Variants in SDC2 observed in about 807,000 individuals in gnomAD.
SDC2 encodes the protein syndecan-2.
In SDC2, 13 loss-of-function variants were observed where a neutral mutation model predicts 22.2. The observed-to-expected ratio is 0.59, with a 90% CI of 0.38 to 0.93. The LOEUF (loss-of-function observed/expected upper bound fraction) is 0.93, where lower values mean the gene tolerates loss of function less well. Ranked by LOEUF, SDC2 falls within the 40% of genes least tolerant of loss-of-function variation. SDC2 has a pLI of 0.00. For missense variants in SDC2, 235 were observed against 246.8 expected, an observed-to-expected ratio of 0.95 and a Z score of 0.32; for synonymous variants, 94 against 92.8, an observed-to-expected ratio of 1.01 and a Z score of -0.07.
chr8:96,550,035 T>C (rs910913084), intron 1 of SDC2, among the ~76,000 whole-genome samples: 1 of 152,206 alleles, frequency 6.6e-6, no homozygotes, highest in African/African-American at 2.4e-5. Context: ...TACTTCCAGA[T>C]ATAGACAGCA....
intron 1 of SDC2, among the ~76,000 whole-genome samples, chr8:96,584,725 G>A (rs552535175): frequency 1.6e-4 from 24 of 152,316 alleles, no homozygotes; most frequent in African/African-American, 5.8e-4. Context: ...TTGGGAAGGG[G>A]AGAGGCAGCG....
intron 1 of SDC2, among the ~76,000 whole-genome samples, chr8:96,539,398 T>C (rs114734837): frequency 0.021 from 3,201 of 152,356 alleles, 107 homozygotes; most frequent in African/African-American, 0.069. Context: ...GTTGTGCACG[T>C]ATAAAGTACT....
At chr8:96,607,214 G>T (rs1815096119) in intron 3 of SDC2, among the ~76,000 whole-genome samples, 1 of 145,986 alleles carries the variant, frequency 6.8e-6, no homozygotes. Flanking sequence ...TGGTGGAAAT[G>T]ACCTCACAGG....
At chr8:96,527,947 TCTA>T (rs1813603753) in intron 1 of SDC2, among the ~76,000 whole-genome samples, 1 of 152,208 alleles carries the variant, frequency 6.6e-6, no homozygotes, top group Admixed American at 6.5e-5. Context: ...AGCAGAAACT[TCTA>T]CTACCAAATA....
chr8:96,535,250 G>A (rs185088839), intron 1 of SDC2, among the ~76,000 whole-genome samples: 97 of 152,114 alleles, frequency 6.4e-4, no homozygotes, highest in Non-Finnish European at 1.1e-3. Flanking sequence ...ATCATGATTC[G>A]CCCGCCTTGG....
intron 1 of SDC2, among the ~76,000 whole-genome samples, chr8:96,544,500 G>C (rs1431005743): frequency 6.6e-6 from 1 of 152,114 alleles, no homozygotes; most frequent in Non-Finnish European, 1.5e-5. Context: ...TGTTTTCTCT[G>C]TTCGTTCTAG....
chr8:96,602,924 C>A (rs1815017393), intron 3 of SDC2, among the ~76,000 whole-genome samples: 1 of 152,204 alleles, frequency 6.6e-6, no homozygotes, highest in Non-Finnish European at 1.5e-5. Flanking sequence ...CAGGTCACGT[C>A]TTGAGGTGGT....
At chr8:96,548,855 A>G (rs1337651807) in intron 1 of SDC2, among the ~76,000 whole-genome samples, 2 of 152,232 alleles carry the variant, frequency 1.3e-5, no homozygotes, top group African/African-American at 4.8e-5. Context: ...ACTTGAGGTC[A>G]GTGTTGCTGG....
intron 1 of SDC2, among the ~76,000 whole-genome samples, chr8:96,501,785 C>G (rs1813169763): frequency 1.3e-5 from 2 of 152,160 alleles, no homozygotes. Flanking sequence ...GAGAAAAACT[C>G]TCTCTCCTTA....
intron 1 of SDC2, 72 bp from the exon 2 acceptor site, chr8:96,593,408 C>A: frequency 2.0e-6 from 2 of 1,014,104 alleles, no homozygotes; most frequent in Non-Finnish European, 3.1e-6. Flanking sequence ...CAGTATGTAC[C>A]TGAACAATCA....
At chr8:96,588,901 A>G (rs973818477) in intron 1 of SDC2, among the ~76,000 whole-genome samples, 2 of 152,270 alleles carry the variant, frequency 1.3e-5, no homozygotes, top group African/African-American at 4.8e-5. Context: ...CCACACTGGC[A>G]GTTTGAAACA....
intron 1 of SDC2, among the ~76,000 whole-genome samples, chr8:96,553,429 T>A (rs1447429845): frequency 6.9e-6 from 1 of 145,696 alleles, no homozygotes; most frequent in Non-Finnish European, 1.5e-5. Flanking sequence ...CATTTTAAGA[T>A]ACATTTTCAG....
chr8:96,493,989 A>G lies in SDC2; in HGVS notation c.-283A>G, dbSNP rs1159607150. ...ACCACAGCAGAGCAAGAAGAGCTTC[A>G]GAGAGCAGCCTTCCCGGAGCACCAA... On this transcript the variant is annotated 5_prime_UTR_variant, in exon 1 of 5. Transcript: ENST00000302190. 1.6e-5 allele frequency: 8 copies of G among 506,952 alleles called. No homozygotes were observed. Among genetic ancestry groups the G allele is most frequent in the South Asian group, 1.4e-4 (5 of 36,630 alleles). The allele number at this position is 506,952 out of a possible 1,614,324, so 31.4% of individuals were successfully genotyped here.
chr8:96,496,970 T>A (rs1373302203), intron 1 of SDC2, among the ~76,000 whole-genome samples: 1 of 152,234 alleles, frequency 6.6e-6, no homozygotes, highest in African/African-American at 2.4e-5. Context: ...GCAGTAGTGA[T>A]ATGCTGCTGG....
At chr8:96,506,578 G>C (rs1813242224) in intron 1 of SDC2, among the ~76,000 whole-genome samples, 1 of 152,096 alleles carries the variant, frequency 6.6e-6, no homozygotes, top group Non-Finnish European at 1.5e-5. Context: ...CTGGGCTCAA[G>C]GCATTTTACT....
At chr8:96,586,794 T>C (rs1454211081) in intron 1 of SDC2, among the ~76,000 whole-genome samples, 1 of 152,226 alleles carries the variant, frequency 6.6e-6, no homozygotes, top group Non-Finnish European at 1.5e-5. Flanking sequence ...CATGAGTAAA[T>C]CATTTAAATT....
At chr8:96,540,340 G>GTGTGTGTATATATATA (rs4058341) in intron 1 of SDC2, among the ~76,000 whole-genome samples, 85 of 123,668 alleles carry the variant, frequency 6.9e-4, no homozygotes, top group Non-Finnish European at 1.2e-3. Context: ...ATATATATGT[G>GTGTGTGTATATATATA]TATATATATA....
intron 1 of SDC2, among the ~76,000 whole-genome samples, chr8:96,573,210 C>G (rs932240285): frequency 6.6e-6 from 1 of 151,798 alleles, no homozygotes; most frequent in Non-Finnish European, 1.5e-5. Context: ...CAATTATTGT[C>G]TCATTTTATA....
chr8:96,597,088 T>C (rs147939021), intron 2 of SDC2, among the ~76,000 whole-genome samples: 241 of 152,294 alleles, frequency 1.6e-3, no homozygotes, highest in South Asian at 6.6e-3. Context: ...AGATTTATTA[T>C]CTGGAGAGGG....
Sources: gnomAD v4.1 joint callset for allele counts (sites outside exome capture counted in the v4.1 genomes callset) on GRCh38, gnomAD v4.1.1 for gene constraint, MANE v1.5 for transcripts, NCBI Gene and HGNC (gene_info 2026-07-23, HGNC 2026-07-21) for gene names.